MRE11: variants seen among roughly 807,000 people sequenced by gnomAD.
MRE11 encodes the protein MRE11 double strand break repair nuclease.
Under a neutral mutation model 91.7 loss-of-function variants are expected in MRE11, and 62 were observed. The ratio of observed to expected loss-of-function variants is 0.68; its 90% CI spans 0.55 to 0.84. The LOEUF is 0.84. Among genes scored for constraint, MRE11 ranks in the 40% least tolerant of loss-of-function variants. MRE11 has a pLI of 0.00. For missense variants in MRE11, 796 were observed against 852.9 expected (o/e 0.93, Z 0.83); for synonymous variants, 273 against 271.4 (o/e 1.01, Z -0.06).
At chr11:94,451,689 C>A in intron 14 of MRE11, among the ~76,000 whole-genome samples, 1 of 151,808 alleles carries the variant, frequency 6.6e-6, no homozygotes, top group South Asian at 2.1e-4. Flanking sequence ...ATTAATGGAA[C>A]AAAGAAAGAA....
At chr11:94,505,657 T>A in the MRE11 span, among the ~76,000 whole-genome samples, 1 of 152,132 alleles carries the variant, frequency 6.6e-6, no homozygotes, top group Non-Finnish European at 1.5e-5. Flanking sequence ...TATGTTTGCA[T>A]AAATTTAGTG....
At chr11:94,512,288 A>G in the MRE11 span, 1 of 388,592 alleles carries the variant, frequency 2.6e-6, no homozygotes, top group African/African-American at 2.1e-5. Flanking sequence ...TGAGAAATTA[A>G]CAATAAATTA....
chr11:94,498,278 G>C (rs368818660), upstream of MRE11: 1 of 1,614,170 alleles, frequency 6.2e-7, no homozygotes, highest in Non-Finnish European at 8.5e-7. Flanking sequence ...TAATACCAGA[G>C]TGGCTTCTTT....
intron 14 of MRE11, among the ~76,000 whole-genome samples, chr11:94,454,855 T>C (rs1463161601): frequency 6.6e-6 from 1 of 152,224 alleles, no homozygotes; most frequent in African/African-American, 2.4e-5. Context: ...AATTTTAAGC[T>C]AGATATTTAA....
intron 16 of MRE11, among the ~76,000 whole-genome samples, chr11:94,443,125 A>C (rs1945831019): frequency 6.6e-6 from 1 of 152,198 alleles, no homozygotes; most frequent in Non-Finnish European, 1.5e-5. Flanking sequence ...AAATGTTGAA[A>C]ATTCCTTTAA....
the MRE11 span, among the ~76,000 whole-genome samples, chr11:94,510,997 T>G: frequency 6.6e-6 from 1 of 152,180 alleles, no homozygotes; most frequent in Admixed American, 6.5e-5. Context: ...AGTCATTCAA[T>G]GAATATGTAT....
chr11:94,459,232 T>C (rs13447664), intron 13 of MRE11, among the ~76,000 whole-genome samples, 176 bp downstream of exon 13: 24 of 152,236 alleles, frequency 1.6e-4, no homozygotes, highest in Admixed American at 4.6e-4. Context: ...AAGACTCTGT[T>C]CTAGGCATTT....
intron 4 of MRE11, among the ~76,000 whole-genome samples, chr11:94,480,727 A>G (rs979606158): frequency 6.6e-6 from 1 of 152,232 alleles, no homozygotes; most frequent in African/African-American, 2.4e-5. Flanking sequence ...CCCCTACCTC[A>G]CTAACACAGT....
intron 14 of MRE11, among the ~76,000 whole-genome samples, chr11:94,451,006 C>G (rs1946087583): frequency 6.6e-6 from 1 of 150,836 alleles, no homozygotes; most frequent in Non-Finnish European, 1.5e-5. Flanking sequence ...ATCTCTAATA[C>G]TAGCACTACA....
At chr11:94,483,723 G>C (rs1485720440) in intron 4 of MRE11, 2 of 153,490 alleles carry the variant, frequency 1.3e-5, no homozygotes, top group East Asian at 3.8e-4. Flanking sequence ...CATGCATATA[G>C]TCCCAGCTAC....
In MRE11 at chr11:94,492,816, A is replaced by G. The variant is rs1417805919; in HGVS notation, c.-15T>C. 6.2e-7 allele frequency: 1 copy of G among 1,613,300 alleles called. No homozygotes were observed. The highest frequency in any genetic ancestry group is 1.7e-5 in the Admixed American group (1 of 60,022). ...GCAGTACTCATTTTTATGGTCAGTC[A>G]AGCTCCTCTGGGACCAGGTTCTTCT... On this transcript the variant is annotated 5_prime_UTR_variant, in exon 2 of 20. Transcript: ENST00000323929.
chr11:94,488,765 G>C (rs1232386702), intron 3 of MRE11, among the ~76,000 whole-genome samples: 1 of 152,070 alleles, frequency 6.6e-6, no homozygotes. Flanking sequence ...ACAAAGAGGG[G>C]AACAACAGAC....
chr11:94,494,819 G>C (rs959609834), upstream of MRE11, among the ~76,000 whole-genome samples: 2 of 152,136 alleles, frequency 1.3e-5, no homozygotes, highest in Non-Finnish European at 2.9e-5. Context: ...AAGATCTGTG[G>C]TATAAGGTTA....
chr11:94,496,641 A>G (rs188168370), upstream of MRE11: 27 of 1,456,184 alleles, frequency 1.9e-5, no homozygotes, highest in Admixed American at 4.5e-5. Flanking sequence ...CATCTCTAGA[A>G]AGATTTATAT....
chr11:94,463,613 G>A (rs1440610996), intron 11 of MRE11, among the ~76,000 whole-genome samples: 1 of 152,136 alleles, frequency 6.6e-6, no homozygotes, highest in East Asian at 1.9e-4. Flanking sequence ...AAAAAATGAT[G>A]AGTTCATGTC....
rs1945127466 is a variant in MRE11 at position 94,420,012 on chromosome 11, C to T, written c.*113G>A. 1.2e-6 allele frequency: 1 copy of T among 833,470 alleles called. No individual in the cohort carries two copies. Among genetic ancestry groups the T allele is most frequent in the Non-Finnish European group, 1.9e-6 (1 of 530,120 alleles). The allele number at this position is 833,470 out of a possible 1,614,324, so 51.6% of individuals were successfully genotyped here. On this transcript the variant is annotated 3_prime_UTR_variant, in exon 20 of 20. Coordinates refer to ENST00000323929, the MANE Select transcript of MRE11 (RefSeq NM_005591.4). ...ATGTCTGTGAACTAGAAATTTCTTA[C>T]TTATGGAGTTATGCTCAGGAAACAA...
chr11:94,496,815 C>T, upstream of MRE11: 4 of 1,613,886 alleles, frequency 2.5e-6, no homozygotes, highest in Non-Finnish European at 2.5e-6. Context: ...CCTACTGGTA[C>T]TCAAAGTCTT....
At chr11:94,437,400 T>A (rs1021360449) in intron 16 of MRE11, among the ~76,000 whole-genome samples, 165 bp from the exon 17 acceptor site, 2 of 152,208 alleles carry the variant, frequency 1.3e-5, no homozygotes, top group Non-Finnish European at 2.9e-5. Flanking sequence ...GAGATAGAAT[T>A]ATAGGTACGC....
chr11:94,428,889 C>CAA (rs1240075879), intron 19 of MRE11, among the ~76,000 whole-genome samples: 2 of 151,732 alleles, frequency 1.3e-5, no homozygotes, highest in Non-Finnish European at 2.9e-5. Flanking sequence ...AAGAAACTAT[C>CAA]AACAGAGTAA....
Sources: gnomAD v4.1 joint callset for allele counts (sites outside exome capture counted in the v4.1 genomes callset) on GRCh38, gnomAD v4.1.1 for gene constraint, MANE v1.5 for transcripts, NCBI Gene and HGNC (gene_info 2026-07-23, HGNC 2026-07-21) for gene names.